GAS7: variants seen among roughly 807,000 people sequenced by gnomAD.
GAS7 encodes the protein growth arrest-specific protein 7.
GAS7 carries 28 observed loss-of-function variants against 71.1 expected under a neutral mutation model. That is an observed-to-expected ratio of 0.39 (90% confidence interval 0.29 to 0.54). The LOEUF (loss-of-function observed/expected upper bound fraction) is 0.54, where lower values mean the gene tolerates loss of function less well. Among genes scored for constraint, GAS7 ranks in the 20% least tolerant of loss-of-function variants. The pLI, the probability that GAS7 is intolerant of heterozygous loss-of-function variation, is 0.62. For synonymous variants in GAS7, 258 were observed against 245.8 expected (o/e 1.05, Z -0.46); for missense variants, 436 against 627.8 (o/e 0.69, Z 3.27).
At chr17:10,071,901 AACTCCAGCCTGGGCAACAGAGTGAG>A (rs1228626777) in intron 1 of GAS7, among the ~76,000 whole-genome samples, 3 of 150,974 alleles carry the variant, frequency 2.0e-5, no homozygotes, top group Non-Finnish European at 4.4e-5. Flanking sequence ...CGCACCACTG[AACTCCAGCCTGGGCAACAGAGTGAG>A]ACTCCATCTC....
Position 10,026,333 on chromosome 17 carries a change from C to A in GAS7, c.184-6436G>T. ...TCCACAGGGCCCCACACCCCCACTCCCCCCACACCCAGATCTATATATAAC... is the reference window on the plus strand; with the variant it reads ...TCCACAGGGCCCCACACCCCCACTCACCCCACACCCAGATCTATATATAAC... On this transcript the variant is annotated intron_variant, in intron 1 of 13. Coordinates refer to ENST00000432992, the MANE Select transcript of GAS7 (RefSeq NM_201433.2). This position sits in a 1 kb window ranked among gnomAD's most constrained non-coding sequence, Gnocchi z 4.5. 1.0e-6 allele frequency: 1 copy of A among 974,816 alleles called. No individual in the cohort carries two copies. The highest frequency in any genetic ancestry group is 1.2e-6 in the Non-Finnish European group (1 of 820,304). 60.4% of individuals were successfully genotyped at this position (974,816 alleles called of 1,614,324 possible). A position where few individuals can be genotyped will look rare whatever the true frequency, so the allele number is the denominator to read the frequency against.
intron 1 of GAS7, among the ~76,000 whole-genome samples, chr17:10,073,155 T>C (rs923985709): frequency 2.6e-5 from 4 of 152,114 alleles, no homozygotes; most frequent in African/African-American, 9.7e-5. Context: ...AAGTGACATG[T>C]GAATCACACA....
intron 1 of GAS7, among the ~76,000 whole-genome samples, chr17:10,132,236 G>A (rs1349952089): frequency 1.3e-5 from 2 of 152,130 alleles, no homozygotes; most frequent in Admixed American, 1.3e-4. Context: ...AACATCTGGT[G>A]CCCATAACTA....
At chr17:10,021,283 A>G (rs1314024966) in intron 1 of GAS7, among the ~76,000 whole-genome samples, 4 of 152,018 alleles carry the variant, frequency 2.6e-5, no homozygotes, top group African/African-American at 9.7e-5. Flanking sequence ...GTCCCTGGTG[A>G]CCCCCGCTTA....
chr17:10,009,318 C>CAAAAAAAAAAAA lies in GAS7; in HGVS notation c.304+10447_304+10458dup, dbSNP rs541133967. 1.3e-3 allele frequency among the ~76,000 whole-genome samples: 104 copies of CAAAAAAAAAAAA among 78,464 alleles called. 2 individuals are homozygous for CAAAAAAAAAAAA. The highest frequency in any genetic ancestry group is 3.6e-3 in the African/African-American group (77 of 21,536). 51.5% of individuals were successfully genotyped at this position (78,464 alleles called of 152,430 possible). ...TCTGGGCGACAGAGCGAGACTCCGT[C>CAAAAAAAAAAAA]AAAAAAAAAAAAAAAAAAGTGTTCT... On this transcript the variant is annotated intron_variant, in intron 2 of 13. Transcript: ENST00000432992.
At chr17:10,181,459 G>T (rs1279620428) in intron 1 of GAS7, among the ~76,000 whole-genome samples, 1 of 151,824 alleles carries the variant, frequency 6.6e-6, no homozygotes, top group Non-Finnish European at 1.5e-5. Flanking sequence ...GGGGAGGAGG[G>T]TTACTTCGAG....
intron 1 of GAS7, among the ~76,000 whole-genome samples, chr17:10,164,436 G>T: frequency 8.0e-6 from 1 of 124,708 alleles, no homozygotes; most frequent in East Asian, 2.8e-4. Context: ...GTGAGACTCT[G>T]TCTCAAAAAA....
intron 9 of GAS7, among the ~76,000 whole-genome samples, chr17:9,927,290 T>TACACACACATACACAC (rs1555589672): frequency 1.4e-4 from 16 of 116,940 alleles, no homozygotes; most frequent in African/African-American, 5.3e-4. Context: ...CTCTACTACA[T>TACACACACATACACAC]ACACACACAC....
intron 1 of GAS7, among the ~76,000 whole-genome samples, chr17:10,129,783 A>G (rs1431683990): frequency 6.6e-6 from 1 of 152,246 alleles, no homozygotes; most frequent in Admixed American, 6.5e-5. Flanking sequence ...TTTATCTAGA[A>G]TATATAAAGA....
intron 1 of GAS7, among the ~76,000 whole-genome samples, chr17:10,158,573 G>A (rs2074224558): frequency 6.6e-6 from 1 of 152,054 alleles, no homozygotes; most frequent in Admixed American, 6.5e-5. Context: ...GTATACTGCT[G>A]TTCTCAACTT....
At chr17:10,124,094 G>A (rs1476732396) in intron 1 of GAS7, among the ~76,000 whole-genome samples, 5 of 152,326 alleles carry the variant, frequency 3.3e-5, no homozygotes, top group Non-Finnish European at 5.9e-5. Flanking sequence ...TCTCCTTCCC[G>A]TGAATGGGGG....
At chr17:9,991,793 T>C (rs143115290) in intron 2 of GAS7, among the ~76,000 whole-genome samples, 2 of 152,176 alleles carry the variant, frequency 1.3e-5, no homozygotes, top group African/African-American at 4.8e-5. Context: ...TGGAGAAATA[T>C]GTCTTGTCAC....
At chr17:10,040,408 T>G (rs2072841111) in intron 1 of GAS7, among the ~76,000 whole-genome samples, 1 of 152,060 alleles carries the variant, frequency 6.6e-6, no homozygotes, top group Non-Finnish European at 1.5e-5. Flanking sequence ...CACCAAGAAC[T>G]AAGAAATTTC....
chr17:9,928,908 G>A (rs529856072), intron 9 of GAS7, among the ~76,000 whole-genome samples: 6 of 152,278 alleles, frequency 3.9e-5, no homozygotes, highest in East Asian at 3.9e-4. Flanking sequence ...CAGCTTTGTC[G>A]CTGGATGACC....
At chr17:10,183,606 G>A (rs898382083) in intron 1 of GAS7, among the ~76,000 whole-genome samples, 20 of 152,300 alleles carry the variant, frequency 1.3e-4, no homozygotes, top group Non-Finnish European at 2.6e-4. Context: ...TTGGGAGGCC[G>A]ACACGGGCGG....
chr17:9,921,153 TTTTC>T (rs953233369), intron 11 of GAS7, among the ~76,000 whole-genome samples: 1 of 151,522 alleles, frequency 6.6e-6, no homozygotes, highest in African/African-American at 2.4e-5. Flanking sequence ...AAATGCATTT[TTTTC>T]TTTTTTTTTT....
At chr17:10,115,654 C>A (rs1322243522) in intron 1 of GAS7, among the ~76,000 whole-genome samples, 1 of 152,136 alleles carries the variant, frequency 6.6e-6, no homozygotes, top group Non-Finnish European at 1.5e-5. Flanking sequence ...ATACTTATTA[C>A]CATTTCTTGT....
intron 9 of GAS7, among the ~76,000 whole-genome samples, chr17:9,930,603 C>T (rs12453192): frequency 0.012 from 1,774 of 152,306 alleles, 87 homozygotes; most frequent in East Asian, 0.077. Context: ...TTGCTATTAG[C>T]AATGGCTTGA....
At chr17:10,152,839 G>A (rs1224949009) in intron 1 of GAS7, among the ~76,000 whole-genome samples, 2 of 152,118 alleles carry the variant, frequency 1.3e-5, no homozygotes, top group East Asian at 1.9e-4. Flanking sequence ...GGGAGATGGT[G>A]AGGAGGGCCA....
Sources: gnomAD v4.1 joint callset for allele counts (sites outside exome capture counted in the v4.1 genomes callset) on GRCh38, gnomAD v4.1.1 for gene constraint, Gnocchi (gnomAD v3.1) non-coding constraint, MANE v1.5 for transcripts, NCBI Gene and HGNC (gene_info 2026-07-23, HGNC 2026-07-21) for gene names.